Variants in USP15 observed in about 807,000 individuals in gnomAD.
The protein encoded by USP15 is ubiquitin carboxyl-terminal hydrolase 15.
USP15 carries 18 observed loss-of-function variants against 127.1 expected under a neutral mutation model. That is an observed-to-expected ratio of 0.14 (90% CI 0.10 to 0.21). The LOEUF is 0.21. Ranked by LOEUF, USP15 falls within the 10% of genes least tolerant of loss-of-function variation. The probability of loss-of-function intolerance (pLI) is 1.00; values close to 1 mark genes in which losing one functional copy is unlikely to be tolerated. For synonymous variants in USP15, 364 were observed against 393.7 expected (o/e 0.92, Z 0.89); for missense variants, 805 against 1,159.9 (o/e 0.69, Z 4.44).
intron 6 of USP15, among the ~76,000 whole-genome samples, chr12:62,345,063 C>G (rs1013671951): frequency 6.6e-6 from 1 of 152,054 alleles, no homozygotes; most frequent in Non-Finnish European, 1.5e-5. Flanking sequence ...TTTGGCTGCT[C>G]GGTACTTTTG....
intron 3 of USP15, 23 bp downstream of exon 3, chr12:62,302,943 T>C (rs1792654837): frequency 1.3e-5 from 21 of 1,593,248 alleles, no homozygotes; most frequent in Non-Finnish European, 1.7e-5. Flanking sequence ...AATAACTGAC[T>C]ATAAATATTA....
At chr12:62,388,815 G>A (rs1421657392) in intron 11 of USP15, among the ~76,000 whole-genome samples, 1 of 152,104 alleles carries the variant, frequency 6.6e-6, no homozygotes, top group Non-Finnish European at 1.5e-5. Context: ...GTAGTGGTTA[G>A]ACAGTAACCC....
intron 8 of USP15, chr12:62,374,429 G>C: frequency 1.0e-6 from 1 of 985,716 alleles, no homozygotes; most frequent in Non-Finnish European, 1.2e-6. Flanking sequence ...ATGATCACTT[G>C]AGAATTGGGC....
chr12:62,335,071 C>T, intron 6 of USP15: 1 of 1,258,630 alleles, frequency 7.9e-7, no homozygotes, highest in African/African-American at 1.5e-5. Flanking sequence ...TTACACCTAG[C>T]CCAAACTGGC....
chr12:62,317,828 C>T (rs1242221292), intron 4 of USP15, among the ~76,000 whole-genome samples: 1 of 152,142 alleles, frequency 6.6e-6, no homozygotes, highest in Non-Finnish European at 1.5e-5. Context: ...CTATCAGGGC[C>T]AAAATCTTCT....
intron 8 of USP15, among the ~76,000 whole-genome samples, chr12:62,358,842 G>A (rs1256162287): frequency 3.9e-5 from 6 of 152,072 alleles, no homozygotes; most frequent in African/African-American, 9.7e-5. Context: ...TAAAGTATAT[G>A]TGAAGATATA....
intron 8 of USP15, among the ~76,000 whole-genome samples, chr12:62,358,671 A>G (rs1404120513): frequency 2.6e-5 from 4 of 152,078 alleles, no homozygotes; most frequent in African/African-American, 9.7e-5. Flanking sequence ...AGCCAAGATT[A>G]CACCATTACA....
intron 1 of USP15, among the ~76,000 whole-genome samples, chr12:62,264,707 T>C (rs557316783): frequency 6.6e-6 from 1 of 152,348 alleles, no homozygotes; most frequent in East Asian, 1.9e-4. Context: ...TGATCCCTTA[T>C]GTTCGTGCAA....
At chr12:62,317,581 TAAG>T (rs2064868091) in intron 4 of USP15, among the ~76,000 whole-genome samples, 2 of 152,210 alleles carry the variant, frequency 1.3e-5, no homozygotes, top group Non-Finnish European at 2.9e-5. Context: ...ATAAGGAACT[TAAG>T]ATGGATATGT....
chr12:62,341,427 C>G (rs538315623), intron 6 of USP15, among the ~76,000 whole-genome samples: 2 of 152,258 alleles, frequency 1.3e-5, no homozygotes, highest in African/African-American at 4.8e-5. Context: ...CATCATGATG[C>G]TAGCTGGTTT....
At chr12:62,316,236 A>G (rs561111019) in intron 4 of USP15, among the ~76,000 whole-genome samples, 17 of 151,622 alleles carry the variant, frequency 1.1e-4, no homozygotes, top group African/African-American at 4.1e-4. Context: ...AGTGGGCCGA[A>G]ACCGTACCTC....
chr12:62,316,275 CTT>C (rs1236078565), intron 4 of USP15, among the ~76,000 whole-genome samples: 2 of 128,456 alleles, frequency 1.6e-5, no homozygotes, highest in Non-Finnish European at 3.2e-5. Flanking sequence ...CAGAGTGAGA[CTT>C]TATCTCAAAA....
At chr12:62,376,008 T>C (rs2066818640) in intron 8 of USP15, among the ~76,000 whole-genome samples, 1 of 152,148 alleles carries the variant, frequency 6.6e-6, no homozygotes, top group East Asian at 1.9e-4. Flanking sequence ...ATATGAAATT[T>C]AGTTTTTTAA....
intron 1 of USP15, among the ~76,000 whole-genome samples, chr12:62,276,607 T>TG (rs2063497451): frequency 6.6e-6 from 1 of 152,044 alleles, no homozygotes; most frequent in African/African-American, 2.4e-5. Context: ...TTCTGGCTTA[T>TG]TCACTGGTTG....
intron 1 of USP15, among the ~76,000 whole-genome samples, chr12:62,268,739 T>A (rs1439270747): frequency 6.6e-6 from 1 of 152,136 alleles, no homozygotes; most frequent in Non-Finnish European, 1.5e-5. Flanking sequence ...TATGTATATA[T>A]AAAACAGCTT....
chr12:62,325,427 C>G (rs1191941174), intron 5 of USP15, among the ~76,000 whole-genome samples: 1 of 152,040 alleles, frequency 6.6e-6, no homozygotes, highest in Non-Finnish European at 1.5e-5. Context: ...CGCCCTTCGT[C>G]TGCATTTGCA....
At chr12:62,388,042 T>C (rs1005694273) in intron 11 of USP15, among the ~76,000 whole-genome samples, 14 of 152,056 alleles carry the variant, frequency 9.2e-5, no homozygotes, top group Admixed American at 7.2e-4. Flanking sequence ...GTAGTTTCTG[T>C]TTTTGAGATG....
chr12:62,339,170 C>T (rs1050885417), intron 6 of USP15, among the ~76,000 whole-genome samples: 2 of 152,038 alleles, frequency 1.3e-5, no homozygotes, highest in African/African-American at 2.4e-5. Flanking sequence ...TGGGAGTTCA[C>T]TCATGATTTG....
rs768217259 is a variant in USP15 at position 62,389,620 on chromosome 12, A to G, written c.1573A>G (p.Ile525Val). ...TTCCTTTTAGATGATAGTTACTGATATATACAATCATAGATTTCACAGAAT... is the reference window on the plus strand; with the variant it reads ...TTCCTTTTAGATGATAGTTACTGATGTATACAATCATAGATTTCACAGAAT... ...IPADKMIVTD[I>V]YNHRFHRIFA... The change falls in exon 13 of 22, where the codon ATA becomes GTA. Residue 525 changes from isoleucine (I) to valine (V), a missense_variant. Transcript: ENST00000280377. The G allele has an allele frequency of 6.8e-6, 11 of 1,612,940 alleles. No homozygotes were observed. The highest frequency in any genetic ancestry group is 8.5e-6 in the Non-Finnish European group (10 of 1,179,438).
Sources: allele counts gnomAD v4.1 joint callset (sites outside exome capture counted in the v4.1 genomes callset), GRCh38; gene constraint gnomAD v4.1.1; transcripts MANE v1.5; gene names NCBI Gene and HGNC (gene_info 2026-07-23, HGNC 2026-07-21).